The following RGS6 variants were observed in gnomAD, a reference collection of about 807,000 sequenced individuals.
RGS6 encodes regulator of G protein signaling 6.
A neutral mutation model predicts 78.5 loss-of-function variants in RGS6; 30 were observed. That is an observed-to-expected ratio of 0.38 (90% CI 0.29 to 0.52). The LOEUF (loss-of-function observed/expected upper bound fraction) is 0.52. Ranked by LOEUF, RGS6 falls within the 20% of genes least tolerant of loss-of-function variation. The pLI is 0.85. For synonymous variants in RGS6, 206 were observed against 206.0 expected (o/e 1.00, Z 0.00); for missense variants, 495 against 609.7 (o/e 0.81, Z 1.98).
At chr14:72,428,011 G>A (rs775399895) in intron 3 of RGS6, among the ~76,000 whole-genome samples, 21 of 152,092 alleles carry the variant, frequency 1.4e-4, no homozygotes, top group African/African-American at 9.7e-5. Flanking sequence ...AGAACAAAGG[G>A]CATTGGAAAA....
intron 2 of RGS6, among the ~76,000 whole-genome samples, chr14:72,226,801 C>T (rs1398713728): frequency 2.6e-5 from 4 of 152,200 alleles, no homozygotes; most frequent in Admixed American, 1.3e-4. Flanking sequence ...CTCCTGGGTT[C>T]AAGCGATTCT....
intron 2 of RGS6, among the ~76,000 whole-genome samples, chr14:72,127,610 A>T (rs531814938): frequency 6.6e-6 from 1 of 152,168 alleles, no homozygotes; most frequent in Admixed American, 6.5e-5. Flanking sequence ...CAGGGCTTAA[A>T]AAAAACCATT....
At chr14:71,897,275 A>G in the RGS6 span, among the ~76,000 whole-genome samples, 1 of 152,194 alleles carries the variant, frequency 6.6e-6, no homozygotes, top group Non-Finnish European at 1.5e-5. Context: ...GAGAAATTAG[A>G]TTTAAATCTT....
intron 2 of RGS6, among the ~76,000 whole-genome samples, chr14:72,313,174 G>A (rs2069092215): frequency 6.6e-6 from 1 of 152,216 alleles, no homozygotes; most frequent in Non-Finnish European, 1.5e-5. Context: ...TCATAGAGGA[G>A]TTAACGAGTT....
At chr14:72,623,113 C>T in the RGS6 span, among the ~76,000 whole-genome samples, 1 of 152,136 alleles carries the variant, frequency 6.6e-6, no homozygotes, top group African/African-American at 2.4e-5. Context: ...TTCATATATA[C>T]ACACACATGT....
At chr14:72,533,284 C>CT (rs976470113) in intron 15 of RGS6, among the ~76,000 whole-genome samples, 12 of 152,180 alleles carry the variant, frequency 7.9e-5, no homozygotes, top group Admixed American at 5.2e-4. Flanking sequence ...TTACTGAATA[C>CT]TTTAAGGCCA....
chr14:72,078,552 T>A (rs971409464), intron 2 of RGS6, among the ~76,000 whole-genome samples: 3 of 152,192 alleles, frequency 2.0e-5, no homozygotes, highest in African/African-American at 7.2e-5. Context: ...TAGCTGGGAT[T>A]ACAGGCGCCC....
intron 2 of RGS6, among the ~76,000 whole-genome samples, chr14:72,086,583 G>A (rs148084311): frequency 1.2e-3 from 178 of 152,210 alleles, no homozygotes; most frequent in African/African-American, 3.9e-3. Flanking sequence ...TGAGCCCTCT[G>A]CAGAGCAATT....
intron 2 of RGS6, among the ~76,000 whole-genome samples, chr14:72,085,746 T>C (rs972026828): frequency 2.7e-5 from 4 of 150,272 alleles, no homozygotes; most frequent in Non-Finnish European, 4.4e-5. Flanking sequence ...CCCAGCTACT[T>C]AGGAGGCTGA....
At position 72,512,337 on chromosome 14, in the gene RGS6, T is replaced by G. The variant is rs139494440; in HGVS notation, c.1091+2058T>G. ...AGCATTCATTCTAGAAAGTCCCGAGTGTAGCCAGAACCACATATCAGTTCA... is the reference window on the plus strand; with the variant it reads ...AGCATTCATTCTAGAAAGTCCCGAGGGTAGCCAGAACCACATATCAGTTCA... On this transcript the variant is annotated intron_variant, in intron 14 of 17. Transcript: ENST00000553525. 3.7e-3 allele frequency among the ~76,000 whole-genome samples: 563 copies of G among 152,254 alleles called. 8 individuals carry two copies. Among genetic ancestry groups the G allele is most frequent in the African/African-American group, 0.013 (555 of 41,544 alleles).
chr14:72,302,892 G>T (rs1202931849), intron 2 of RGS6, among the ~76,000 whole-genome samples: 1 of 152,158 alleles, frequency 6.6e-6, no homozygotes, highest in African/African-American at 2.4e-5. Context: ...TTCCCATGCT[G>T]TTCTCGTGAT....
the RGS6 span, among the ~76,000 whole-genome samples, chr14:71,873,907 C>T: frequency 1.3e-5 from 2 of 152,124 alleles, no homozygotes; most frequent in Non-Finnish European, 2.9e-5. Context: ...GAATCCTTTC[C>T]CCATTTCTTC....
chr14:72,361,820 C>T (rs117098014), intron 3 of RGS6, among the ~76,000 whole-genome samples: 2,443 of 152,126 alleles, frequency 0.016, 28 homozygotes, highest in Non-Finnish European at 0.026. Flanking sequence ...GGAGTCAAAG[C>T]TGAGTGTGTT....
At chr14:72,349,957 A>G (rs1271559993) in intron 2 of RGS6, among the ~76,000 whole-genome samples, 2 of 152,228 alleles carry the variant, frequency 1.3e-5, no homozygotes, top group South Asian at 2.1e-4. Flanking sequence ...GATCAAAAGC[A>G]TAAATTACCT....
rs1294751403 is a variant in RGS6 at position 72,426,036 on chromosome 14, T to G, written c.185-28492T>G. 2.6e-5 allele frequency among the ~76,000 whole-genome samples: 4 copies of G among 152,170 alleles called. No homozygotes were observed. In the East Asian group the frequency reaches 7.7e-4, roughly 29 times the overall value. Reference sequence around the variant, plus strand: ...TTCTAAAGTTTTTGTTAAAATAAACTCTTTTAACAAAAAAATTCTAAAAAC... The same window carrying G: ...TTCTAAAGTTTTTGTTAAAATAAACGCTTTTAACAAAAAAATTCTAAAAAC... On this transcript the variant is annotated intron_variant, in intron 3 of 17. Coordinates refer to ENST00000553525, the MANE Select transcript of RGS6 (RefSeq NM_001204424.2).
chr14:72,268,133 C>T (rs771107235), intron 2 of RGS6, among the ~76,000 whole-genome samples: 3 of 152,116 alleles, frequency 2.0e-5, no homozygotes, highest in African/African-American at 4.8e-5. Flanking sequence ...CTTGTCTAGA[C>T]GATTATTCTT....
At chr14:72,584,146 C>T in the RGS6 span, among the ~76,000 whole-genome samples, 1 of 152,142 alleles carries the variant, frequency 6.6e-6, no homozygotes, top group African/African-American at 2.4e-5. Flanking sequence ...GATTTCATTC[C>T]AGTGGGTACA....
At chr14:72,052,588 A>G (rs1199559684) in intron 2 of RGS6, among the ~76,000 whole-genome samples, 2 of 152,218 alleles carry the variant, frequency 1.3e-5, no homozygotes, top group Non-Finnish European at 2.9e-5. Context: ...TTCCCTGCTT[A>G]GTGTCTTAAT....
intron 3 of RGS6, among the ~76,000 whole-genome samples, chr14:72,454,061 C>T (rs946017043): frequency 5.9e-5 from 9 of 152,336 alleles, no homozygotes; most frequent in East Asian, 3.9e-4. Flanking sequence ...AATACATAGA[C>T]GTTTCTGCCA....
Sources: allele counts gnomAD v4.1 joint callset (sites outside exome capture counted in the v4.1 genomes callset), GRCh38; gene constraint gnomAD v4.1.1; transcripts MANE v1.5; gene names NCBI Gene and HGNC (gene_info 2026-07-23, HGNC 2026-07-21).